The following GNB5 variants were observed in gnomAD, a reference collection of about 807,000 sequenced individuals.
GNB5 encodes G protein subunit beta 5.
In GNB5, 37 loss-of-function variants were observed where a neutral mutation model predicts 55.3. The ratio of observed to expected loss-of-function variants is 0.67; its 90% CI spans 0.51 to 0.88. The LOEUF is 0.88. Among genes scored for constraint, GNB5 ranks in the 40% least tolerant of loss-of-function variants. The pLI is 0.00. For missense variants in GNB5, 476 were observed against 515.3 expected (o/e 0.92, Z 0.74); for synonymous variants, 219 against 198.5 (o/e 1.10, Z -0.87).
intron 3 of GNB5, chr15:52,162,850 TA>T (rs2141224126): frequency 6.6e-6 from 1 of 152,044 alleles, no homozygotes; most frequent in East Asian, 1.9e-4. Context: ...TGACTAGCCT[TA>T]AAAAACAAAA....
chr15:52,181,687 C>T (rs111537000), intron 2 of GNB5, among the ~76,000 whole-genome samples: 11 of 152,232 alleles, frequency 7.2e-5, no homozygotes, highest in South Asian at 2.1e-4. Context: ...CAGACTTCTC[C>T]GTACATAGCA....
intron 3 of GNB5, among the ~76,000 whole-genome samples, chr15:52,176,241 A>G (rs2034648146): frequency 6.6e-6 from 1 of 152,090 alleles, no homozygotes; most frequent in Non-Finnish European, 1.5e-5. Flanking sequence ...CCACTTGCTC[A>G]ATGGGGAGCC....
Position 52,185,755 on chromosome 15 carries a change from TATTA to T in GNB5, c.-18-1065_-18-1062del, listed in dbSNP as rs1475664959. Among the ~76,000 whole-genome samples the T allele has an allele frequency of 9.6e-3, 921 of 95,956 alleles. 10 individuals are homozygous for T. The highest frequency in any genetic ancestry group is 0.051 in the African/African-American group (873 of 17,036). 63.0% of individuals were successfully genotyped at this position (95,956 alleles called of 152,430 possible). A position where few individuals can be genotyped will look rare whatever the true frequency, so the allele number is the denominator to read the frequency against. On this transcript the variant is annotated intron_variant, in intron 1 of 12. Transcript: ENST00000261837. ...ACTTTGAGCTGTGTATTCATCTTTT[TATTA>T]TTATTATTATTATTATTATTATTAT...
intron 3 of GNB5, among the ~76,000 whole-genome samples, chr15:52,165,871 A>G (rs556243285): frequency 2.0e-5 from 3 of 152,338 alleles, no homozygotes; most frequent in East Asian, 3.9e-4. Context: ...AATGGGCTAA[A>G]TGCTCCAATT....
In GNB5 at chr15:52,124,246, T is replaced by TA. The variant is rs111372616; in HGVS notation, c.1176+226dup. On this transcript the variant is annotated intron_variant, in intron 12 of 12. Transcript: ENST00000261837. ...AACTATTCCCTCACCTACAGGCTGA[T>TA]ACGCAGTTGTCGAATCTGTGCGAGA... is the stretch of plus-strand genomic sequence containing the variant. Among the ~76,000 whole-genome samples, 2,282 of 152,312 alleles carry TA rather than the reference T, an allele frequency of 0.015. 53 individuals carry two copies. Among genetic ancestry groups the TA allele is most frequent in the African/African-American group, 0.053 (2,216 of 41,558 alleles).
At chr15:52,174,866 A>G (rs1045144986) in intron 3 of GNB5, among the ~76,000 whole-genome samples, 3 of 151,740 alleles carry the variant, frequency 2.0e-5, no homozygotes, top group Non-Finnish European at 2.9e-5. Context: ...TGGATCACCT[A>G]AAGTCAGGAG....
At chr15:52,170,505 G>A (rs1368898982) in intron 3 of GNB5, among the ~76,000 whole-genome samples, 1 of 152,136 alleles carries the variant, frequency 6.6e-6, no homozygotes, top group Non-Finnish European at 1.5e-5. Flanking sequence ...TGAACGATGA[G>A]AACAAATGGA....
In GNB5 at chr15:52,141,331, C is replaced by T; in HGVS notation, c.495-59G>A. On this transcript the variant is annotated intron_variant, in intron 6 of 12. Transcript: ENST00000261837. The stretch of plus-strand genomic sequence containing the variant: ...TGCAGAGTCACAGAATATGTGTCTA[C>T]TTTTCCAATCACATGAACTTTTCAA... The T allele has an allele frequency of 2.1e-6, 3 of 1,449,750 alleles. No individual in the cohort carries two copies. The South Asian group carries it at 3.4e-5, about 17-fold the overall frequency. 89.8% of individuals were successfully genotyped at this position (1,449,750 alleles called of 1,614,324 possible).
intron 1 of GNB5, among the ~76,000 whole-genome samples, chr15:52,185,347 G>C (rs62016460): frequency 5.8e-4 from 89 of 152,360 alleles, no homozygotes; most frequent in South Asian, 1.4e-3. Context: ...CCTCTCTGAA[G>C]CTTGGTTTTG....
chr15:52,162,809 T>C (rs1259502530), intron 3 of GNB5: 1 of 152,172 alleles, frequency 6.6e-6, no homozygotes, highest in African/African-American at 2.4e-5. Flanking sequence ...TACAGATTTC[T>C]TTGTTTCTTC....
chr15:52,185,449 C>T (rs1319562271), intron 1 of GNB5, among the ~76,000 whole-genome samples: 1 of 152,170 alleles, frequency 6.6e-6, no homozygotes, highest in Non-Finnish European at 1.5e-5. Flanking sequence ...AGCTCAAGGT[C>T]GGTAATACAG....
chr15:52,180,415 T>TC (rs992216668), intron 2 of GNB5: 1 of 152,216 alleles, frequency 6.6e-6, no homozygotes, highest in African/African-American at 2.4e-5. Flanking sequence ...GCTACGGTGC[T>TC]CCCCCAACAA....
chr15:52,157,014 C>T (rs1314850558), intron 3 of GNB5, among the ~76,000 whole-genome samples: 1 of 150,324 alleles, frequency 6.7e-6, no homozygotes, highest in Non-Finnish European at 1.5e-5. Context: ...CGGCTCACTG[C>T]AAGCTCTGCC....
At chr15:52,135,147 G>A (rs1290154004) in intron 8 of GNB5, among the ~76,000 whole-genome samples, 1 of 151,984 alleles carries the variant, frequency 6.6e-6, no homozygotes, top group African/African-American at 2.4e-5. Context: ...GGGTAGGGTA[G>A]GAGAGTGCCC....
At chr15:52,146,718 C>T (rs965364349) in intron 6 of GNB5, among the ~76,000 whole-genome samples, 3 of 150,596 alleles carry the variant, frequency 2.0e-5, no homozygotes, top group Admixed American at 6.7e-5. Context: ...TTGTATACCA[C>T]CACACCCAGC....
chr15:52,168,945 C>T (rs1463234008), intron 3 of GNB5, among the ~76,000 whole-genome samples: 2 of 152,164 alleles, frequency 1.3e-5, no homozygotes, highest in African/African-American at 4.8e-5. Flanking sequence ...GGACCCCTTC[C>T]TTACACCTTA....
intron 3 of GNB5, among the ~76,000 whole-genome samples, chr15:52,159,805 A>T (rs760980098): frequency 2.0e-5 from 3 of 152,180 alleles, no homozygotes; most frequent in Non-Finnish European, 4.4e-5. Flanking sequence ...GGTGGCTGAC[A>T]GAGGCTGTCA....
chr15:52,124,005 C>CAAAAAAAA (rs56008657), intron 12 of GNB5, among the ~76,000 whole-genome samples: 2 of 84,402 alleles, frequency 2.4e-5, no homozygotes, highest in Non-Finnish European at 4.8e-5. Context: ...ATAGAAAAAC[C>CAAAAAAAA]AAAAAAAAAA....
chr15:52,135,548 G>A, intron 8 of GNB5, 65 bp downstream of exon 8: 1 of 1,408,578 alleles, frequency 7.1e-7, no homozygotes, highest in South Asian at 1.2e-5. Context: ...GAATGGACAA[G>A]AACTGCCACC....
Sources: allele counts gnomAD v4.1 joint callset (sites outside exome capture counted in the v4.1 genomes callset), GRCh38; gene constraint gnomAD v4.1.1; transcripts MANE v1.5; gene names NCBI Gene and HGNC (gene_info 2026-07-23, HGNC 2026-07-21).